The following DKK2 variants were observed in gnomAD, a reference collection of about 807,000 sequenced individuals.
The protein encoded by DKK2 is dickkopf Wnt signaling pathway inhibitor 2, also known as dickkopf-related protein 2.
Under a neutral mutation model 28.1 loss-of-function variants are expected in DKK2, and 11 were observed. The observed-to-expected ratio is 0.39, with a 90% CI of 0.25 to 0.65. DKK2 has a LOEUF of 0.65. Ranked by LOEUF, DKK2 falls within the 30% of genes least tolerant of loss-of-function variation. The pLI is 0.47. For missense variants in DKK2, 326 were observed against 335.5 expected (o/e 0.97, Z 0.22); for synonymous variants, 135 against 126.5 (o/e 1.07, Z -0.45).
At chr4:106,957,003 C>A (rs1256680416) in intron 1 of DKK2, among the ~76,000 whole-genome samples, 2 of 151,376 alleles carry the variant, frequency 1.3e-5, no homozygotes, top group African/African-American at 4.9e-5. Flanking sequence ...AACCTACTCA[C>A]CTGACAAAGG....
intron 1 of DKK2, among the ~76,000 whole-genome samples, chr4:107,026,725 C>CTCG (rs1409019704): frequency 7.3e-6 from 1 of 136,598 alleles, no homozygotes; most frequent in African/African-American, 2.6e-5. Context: ...TATGAGAAAT[C>CTCG]ACGATTTTGT....
At chr4:107,007,980 G>A (rs1041890983) in intron 1 of DKK2, among the ~76,000 whole-genome samples, 3 of 152,082 alleles carry the variant, frequency 2.0e-5, no homozygotes, top group Admixed American at 2.0e-4. Context: ...ACTAGTCCCC[G>A]ATATCACCTC....
At chr4:106,969,287 C>G (rs1453438314) in intron 1 of DKK2, among the ~76,000 whole-genome samples, 2 of 151,406 alleles carry the variant, frequency 1.3e-5, no homozygotes, top group Non-Finnish European at 2.9e-5. Context: ...TCTCTCATCT[C>G]TCATCTCTCA....
intron 1 of DKK2, among the ~76,000 whole-genome samples, chr4:106,937,962 C>T (rs1724625699): frequency 6.9e-6 from 1 of 144,064 alleles, no homozygotes; most frequent in East Asian, 2.0e-4. Context: ...GGGACGCATT[C>T]AAAGCAGTGT....
chr4:107,025,905 CAA>C (rs1723771622), intron 1 of DKK2, among the ~76,000 whole-genome samples: 2 of 152,174 alleles, frequency 1.3e-5, no homozygotes. Flanking sequence ...AATTCTTCCA[CAA>C]AGCTTTCTTA....
In DKK2 at chr4:106,988,602, TA is replaced by T. The variant is rs111245093; in HGVS notation, c.222+46767del. Among the ~76,000 whole-genome samples, 770 of 152,256 alleles carry T rather than the reference TA, an allele frequency of 5.1e-3. 2 individuals are homozygous for T. The highest frequency in any genetic ancestry group is 0.015 in the African/African-American group (637 of 41,548). On this transcript the variant is annotated intron_variant, in intron 1 of 3. Transcript: ENST00000285311. Reference sequence around the variant, plus strand: ...TTCAAGTACAGGGTCTACCTGTATTTAAAAAAATATTTTTATTTCACACCCA... The same window carrying T: ...TTCAAGTACAGGGTCTACCTGTATTTAAAAAATATTTTTATTTCACACCCA...
chr4:106,950,437 C>A (rs1451226295), intron 1 of DKK2, among the ~76,000 whole-genome samples: 1 of 152,184 alleles, frequency 6.6e-6, no homozygotes, highest in African/African-American at 2.4e-5. Flanking sequence ...ATATTCTCAA[C>A]ACAGCAGCCC....
intron 1 of DKK2, among the ~76,000 whole-genome samples, chr4:107,012,923 T>C (rs992274088): frequency 4.0e-5 from 6 of 150,436 alleles, no homozygotes; most frequent in Non-Finnish European, 8.9e-5. Flanking sequence ...ATATTTTATA[T>C]ATTTTTCAAT....
At chr4:106,937,870 T>G (rs1222059529) in intron 1 of DKK2, among the ~76,000 whole-genome samples, 1 of 151,950 alleles carries the variant, frequency 6.6e-6, no homozygotes, top group Non-Finnish European at 1.5e-5. Context: ...AATGAACTAC[T>G]GGGTACATAA....
chr4:106,959,485 A>T (rs1471338104), intron 1 of DKK2, among the ~76,000 whole-genome samples: 2 of 152,002 alleles, frequency 1.3e-5, no homozygotes, highest in African/African-American at 4.8e-5. Context: ...AATAGGCATG[A>T]TTCTTCATGC....
intron 1 of DKK2, among the ~76,000 whole-genome samples, chr4:107,018,093 G>C (rs1723636336): frequency 6.6e-6 from 1 of 152,022 alleles, no homozygotes; most frequent in African/African-American, 2.4e-5. Context: ...CAGACTCTTA[G>C]AACACACCAC....
At chr4:106,949,158 G>A (rs983241561) in intron 1 of DKK2, among the ~76,000 whole-genome samples, 7 of 152,200 alleles carry the variant, frequency 4.6e-5, no homozygotes, top group Non-Finnish European at 1.0e-4. Context: ...GGTTGGGTAA[G>A]GTGGAGCATT....
At chr4:107,005,779 A>T (rs1723430049) in intron 1 of DKK2, among the ~76,000 whole-genome samples, 1 of 152,202 alleles carries the variant, frequency 6.6e-6, no homozygotes, top group African/African-American at 2.4e-5. Context: ...ACTCACCATT[A>T]GATAAACTAT....
intron 1 of DKK2, among the ~76,000 whole-genome samples, chr4:107,010,569 G>A (rs1429520432): frequency 6.6e-6 from 1 of 151,512 alleles, no homozygotes; most frequent in Non-Finnish European, 1.5e-5. Context: ...TCCAACTTTA[G>A]TAAGACGTGT....
At chr4:107,028,900 T>C (rs1723834032) in intron 1 of DKK2, among the ~76,000 whole-genome samples, 1 of 152,194 alleles carries the variant, frequency 6.6e-6, no homozygotes, top group Non-Finnish European at 1.5e-5. Context: ...AGTTTGTTGC[T>C]GGTTTTGAAG....
intron 1 of DKK2, among the ~76,000 whole-genome samples, chr4:107,005,147 C>T (rs1723417748): frequency 6.6e-6 from 1 of 151,906 alleles, no homozygotes; most frequent in African/African-American, 2.4e-5. Flanking sequence ...TCGAGACCAT[C>T]CTGGCTAACA....
chr4:106,987,819 C>T (rs1277029321), intron 1 of DKK2, among the ~76,000 whole-genome samples: 2 of 151,344 alleles, frequency 1.3e-5, no homozygotes, highest in Admixed American at 6.6e-5. Context: ...AGTTGATTTC[C>T]GTTTCTTGCA....
At chr4:107,016,151 T>C (rs948767421) in intron 1 of DKK2, among the ~76,000 whole-genome samples, 1 of 151,916 alleles carries the variant, frequency 6.6e-6, no homozygotes, top group East Asian at 1.9e-4. Flanking sequence ...CCATCTTACC[T>C]GAACAGCATT....
At chr4:106,975,010 T>C (rs958075253) in intron 1 of DKK2, among the ~76,000 whole-genome samples, 7 of 152,214 alleles carry the variant, frequency 4.6e-5, no homozygotes, top group Non-Finnish European at 1.0e-4. Context: ...CATGTTGTTT[T>C]TGTCATTGGT....
Sources: allele counts gnomAD v4.1 joint callset (sites outside exome capture counted in the v4.1 genomes callset), GRCh38; gene constraint gnomAD v4.1.1; transcripts MANE v1.5; gene names NCBI Gene and HGNC (gene_info 2026-07-23, HGNC 2026-07-21).